Variants in MGAT5 observed in about 807,000 individuals in gnomAD.
The protein encoded by MGAT5 is alpha-1,6-mannosylglycoprotein 6-beta-N-acetylglucosaminyltransferase.
MGAT5 carries 30 observed loss-of-function variants against 94.3 expected under a neutral mutation model. The ratio of observed to expected loss-of-function variants is 0.32; its 90% confidence interval spans 0.24 to 0.43. MGAT5 has a LOEUF of 0.43. MGAT5 is among the 20% of genes least tolerant of loss of function. The probability of loss-of-function intolerance (pLI) is 1.00; values close to 1 mark genes in which losing one functional copy is unlikely to be tolerated. For synonymous variants in MGAT5, 310 were observed against 322.9 expected, an observed-to-expected ratio of 0.96 and a Z score of 0.43; for missense variants, 691 against 905.5, an observed-to-expected ratio of 0.76 and a Z score of 3.04.
chr2:134,444,847 C>T (rs958113362), intron 15 of MGAT5, among the ~76,000 whole-genome samples: 3 of 152,142 alleles, frequency 2.0e-5, no homozygotes, highest in African/African-American at 7.2e-5. Context: ...GGTGCAAGGG[C>T]GCAGTTAAGC....
intron 1 of MGAT5, 104 bp downstream of exon 1, chr2:134,254,748 C>A: frequency 6.9e-7 from 1 of 1,456,358 alleles, no homozygotes; most frequent in Non-Finnish European, 9.3e-7. Flanking sequence ...TGTCCTTTGC[C>A]ACTGCCTTCA....
intron 12 of MGAT5, among the ~76,000 whole-genome samples, chr2:134,420,442 G>T (rs568948318): frequency 1.6e-4 from 25 of 152,336 alleles, no homozygotes; most frequent in East Asian, 7.7e-4. Flanking sequence ...ACGGGCTGCT[G>T]CTGGATAGAG....
chr2:134,431,658 T>C (rs1285493398), intron 14 of MGAT5, among the ~76,000 whole-genome samples: 1 of 152,218 alleles, frequency 6.6e-6, no homozygotes, highest in Non-Finnish European at 1.5e-5. Flanking sequence ...GTAGGAGCAC[T>C]GCAGCCCTAA....
chr2:134,147,637 A>G (rs1291191972), intron 1 of MGAT5, among the ~76,000 whole-genome samples: 1 of 151,478 alleles, frequency 6.6e-6, no homozygotes, highest in African/African-American at 2.4e-5. Context: ...AACAGCCTCT[A>G]ATGGAAATTA....
chr2:134,252,417 A>G (rs1431824406), upstream of MGAT5, among the ~76,000 whole-genome samples: 1 of 152,196 alleles, frequency 6.6e-6, no homozygotes, highest in South Asian at 2.1e-4. Flanking sequence ...TTTAATAGGC[A>G]TTGTGGTGGG....
intron 10 of MGAT5, among the ~76,000 whole-genome samples, chr2:134,387,785 C>G (rs545188521): frequency 1.3e-5 from 2 of 152,234 alleles, no homozygotes; most frequent in Admixed American, 1.3e-4. Flanking sequence ...TGGGAGAAAG[C>G]TGCCCATTTA....
In MGAT5 at chr2:134,176,572, T is replaced by TAAA. The variant is rs66689362; in HGVS notation, c.-143+56302_-143+56304dup. On this transcript the variant is annotated intron_variant, in intron 1 of 16. Coordinates refer to the MGAT5 transcript ENST00000409645. ...TGGGTGACAGAGGGAGACTCTGTCT[T>TAAA]AAAAAAAAAAAAAAAAAAAAAAATT... Among the ~76,000 whole-genome samples the TAAA allele has an allele frequency of 9.1e-4, 76 of 83,294 alleles. 2 individuals carry two copies. Among genetic ancestry groups the TAAA allele is most frequent in the African/African-American group, 3.3e-3 (62 of 18,548 alleles). The allele number at this position is 83,294 out of a possible 152,430, so 54.6% of individuals were successfully genotyped here. A position where few individuals can be genotyped will look rare whatever the true frequency, so the allele number is the denominator to read the frequency against.
intron 12 of MGAT5, among the ~76,000 whole-genome samples, chr2:134,421,203 C>G (rs936606603): frequency 6.6e-6 from 1 of 152,180 alleles, no homozygotes; most frequent in Non-Finnish European, 1.5e-5. Context: ...TCATTGGTGA[C>G]GTTTCAGATA....
intron 10 of MGAT5, among the ~76,000 whole-genome samples, chr2:134,375,997 C>T (rs1343308105): frequency 6.6e-6 from 1 of 152,188 alleles, no homozygotes; most frequent in East Asian, 1.9e-4. Flanking sequence ...AGTAACATTG[C>T]CACCATAAGG....
chr2:134,374,970 G>A (rs766214618), intron 10 of MGAT5, among the ~76,000 whole-genome samples: 1 of 152,170 alleles, frequency 6.6e-6, no homozygotes, highest in Admixed American at 6.5e-5. Context: ...TGGATAAATC[G>A]AGACTCTTGC....
intron 10 of MGAT5, among the ~76,000 whole-genome samples, chr2:134,384,214 G>GA (rs34069237): frequency 0.73 from 100,700 of 137,584 alleles, 37,590 homozygotes; most frequent in East Asian, 0.88. Flanking sequence ...TCCGGCCCTT[G>GA]AAAAAAAAAA....
intron 15 of MGAT5, among the ~76,000 whole-genome samples, chr2:134,442,833 T>C (rs1685562183): frequency 7.2e-6 from 1 of 139,358 alleles, no homozygotes; most frequent in South Asian, 2.6e-4. Context: ...CCTTAGTAGC[T>C]CTGATTAGGT....
intron 10 of MGAT5, among the ~76,000 whole-genome samples, chr2:134,388,130 G>T (rs1682145405): frequency 6.6e-6 from 1 of 152,204 alleles, no homozygotes; most frequent in African/African-American, 2.4e-5. Flanking sequence ...TTCCCAAAAA[G>T]TCAAGGACAA....
intron 1 of MGAT5, among the ~76,000 whole-genome samples, chr2:134,130,800 T>C (rs1020639021): frequency 2.0e-4 from 30 of 151,856 alleles, no homozygotes; most frequent in African/African-American, 7.0e-4. Flanking sequence ...AACTCAAGGT[T>C]TGTAAACGCA....
In MGAT5 at chr2:134,230,229, G is replaced by A. The variant is rs145090499; in HGVS notation, c.-142-24033G>A. On this transcript the variant is annotated intron_variant, in intron 1 of 16. Transcript: ENST00000409645. ...CCCTCACATGCACAGTTCACAACAG[G>A]GTTTGTGCTCCTATGAGAATCTAAT... 1.1e-4 allele frequency among the ~76,000 whole-genome samples: 16 copies of A among 152,290 alleles called. 2 individuals carry two copies. The highest frequency in any genetic ancestry group is 3.9e-4 in the African/African-American group (16 of 41,554).
chr2:134,408,242 T>G (rs4954144), intron 11 of MGAT5, among the ~76,000 whole-genome samples: 123,266 of 152,124 alleles, frequency 0.81, 52,795 homozygotes, highest in Non-Finnish European at 0.94. Context: ...CTTTTAATGG[T>G]GAGCACTTGA....
intron 2 of MGAT5, among the ~76,000 whole-genome samples, chr2:134,296,117 G>A (rs1425698934): frequency 6.6e-6 from 1 of 152,082 alleles, no homozygotes; most frequent in East Asian, 1.9e-4. Flanking sequence ...GAGGAGGATG[G>A]GAAACAGACT....
chr2:134,281,552 C>G, intron 2 of MGAT5, among the ~76,000 whole-genome samples: 1 of 152,206 alleles, frequency 6.6e-6, no homozygotes. Flanking sequence ...CCTTCAAACA[C>G]TATAGCCATC....
At chr2:134,200,267 G>A (rs1361940573) in intron 1 of MGAT5, among the ~76,000 whole-genome samples, 3 of 151,854 alleles carry the variant, frequency 2.0e-5, no homozygotes, top group South Asian at 4.2e-4. Flanking sequence ...ACGCTTGAGG[G>A]GTTTAAACAG....
Sources: gnomAD v4.1 joint callset for allele counts (sites outside exome capture counted in the v4.1 genomes callset) on GRCh38, gnomAD v4.1.1 for gene constraint, MANE v1.5 for transcripts, NCBI Gene and HGNC (gene_info 2026-07-23, HGNC 2026-07-21) for gene names.